Variants in AGPAT3 observed in about 807,000 individuals in gnomAD.
The protein encoded by AGPAT3 is 1-acyl-sn-glycerol-3-phosphate acyltransferase gamma.
A neutral mutation model predicts 47.3 loss-of-function variants in AGPAT3; 5 were observed. That is an observed-to-expected ratio of 0.11 (90% CI 0.06 to 0.22). The LOEUF (loss-of-function observed/expected upper bound fraction) is 0.22. Ranked by LOEUF, AGPAT3 falls within the 10% of genes least tolerant of loss-of-function variation. The pLI is 1.00. For synonymous variants in AGPAT3, 212 were observed against 208.3 expected (o/e 1.02, Z -0.15); for missense variants, 315 against 493.0 (o/e 0.64, Z 3.42).
chr21:43,942,448 C>G (rs749727333), intron 2 of AGPAT3, among the ~76,000 whole-genome samples: 1 of 152,188 alleles, frequency 6.6e-6, no homozygotes, highest in Admixed American at 6.5e-5. Flanking sequence ...ATTCGCCACA[C>G]GTGCCCAGGT....
intron 2 of AGPAT3, among the ~76,000 whole-genome samples, chr21:43,916,940 G>A (rs1027965362): frequency 2.0e-5 from 3 of 152,140 alleles, no homozygotes; most frequent in African/African-American, 4.8e-5. Flanking sequence ...CCTCGTGCTC[G>A]TGTCTGTATC....
intron 2 of AGPAT3, among the ~76,000 whole-genome samples, chr21:43,928,187 G>A (rs910163703): frequency 6.6e-5 from 10 of 152,336 alleles, no homozygotes; most frequent in East Asian, 3.9e-4. Flanking sequence ...AAGAAGCGAC[G>A]GTTTCAGGCA....
Position 43,981,401 on chromosome 21 carries a change from G to A in AGPAT3, c.1042+214G>A, listed in dbSNP as rs779136602. ...CGCCTCCCCAGAGAGCCGAACGGCC[G>A]CCACCTGGCGCCATCCCCACTGCAG... On this transcript the variant is annotated intron_variant, in intron 9 of 9. Transcript: ENST00000291572. This position sits in a 1 kb window ranked among gnomAD's most constrained non-coding sequence, Gnocchi z 5.3. The A allele has an allele frequency of 1.0e-5, 6 of 597,278 alleles. No homozygotes were observed. The highest frequency in any genetic ancestry group is 3.7e-5 in the African/African-American group (2 of 53,774). 37.0% of individuals were successfully genotyped at this position (597,278 alleles called of 1,614,324 possible).
intron 1 of AGPAT3, among the ~76,000 whole-genome samples, chr21:43,865,835 A>T (rs1005107356): frequency 6.7e-6 from 1 of 149,488 alleles, no homozygotes; most frequent in African/African-American, 2.5e-5. Flanking sequence ...CGGACCCGGG[A>T]CCCCCCCCAG....
chr21:43,950,269 G>A (rs1311190087), intron 2 of AGPAT3, among the ~76,000 whole-genome samples: 1 of 152,178 alleles, frequency 6.6e-6, no homozygotes, highest in Non-Finnish European at 1.5e-5. Flanking sequence ...ATTCTCCTGG[G>A]TATTGAGGCT....
At chr21:43,896,895 G>C (rs1197821182) in intron 1 of AGPAT3, among the ~76,000 whole-genome samples, 1 of 147,188 alleles carries the variant, frequency 6.8e-6, no homozygotes, top group Non-Finnish European at 1.5e-5. Context: ...ATCTCTTGTA[G>C]ACAGTGTATG....
chr21:43,954,940 A>T lies in AGPAT3; in HGVS notation c.-48-4694A>T. ...TCTAGCCCAGAGGTTCAGGTGATGG[A>T]CCAGAGACTGGCCGCTTTGTGACAC... is the stretch of plus-strand genomic sequence containing the variant. On this transcript the variant is annotated intron_variant, in intron 2 of 9. Transcript: ENST00000291572. This position sits in a 1 kb window ranked among gnomAD's most constrained non-coding sequence, Gnocchi z 4.0. The T allele has an allele frequency of 1.0e-6, 1 of 954,546 alleles. No individual in the cohort carries two copies. The highest frequency in any genetic ancestry group is 1.3e-6 in the Non-Finnish European group (1 of 751,778). The allele number at this position is 954,546 out of a possible 1,614,324, so 59.1% of individuals were successfully genotyped here.
At chr21:43,916,951 T>C (rs2086744907) in intron 2 of AGPAT3, among the ~76,000 whole-genome samples, 1 of 152,172 alleles carries the variant, frequency 6.6e-6, no homozygotes, top group Admixed American at 6.5e-5. Context: ...TGTCTGTATC[T>C]AAGATCCTCA....
chr21:43,917,989 GT>G, intron 2 of AGPAT3, among the ~76,000 whole-genome samples: 2 of 132,504 alleles, frequency 1.5e-5, no homozygotes, highest in African/African-American at 5.8e-5. Flanking sequence ...TGTGTTATGG[GT>G]GTTGTGGGGG....
chr21:43,917,052 G>A (rs1240124559), intron 2 of AGPAT3, among the ~76,000 whole-genome samples: 3 of 152,162 alleles, frequency 2.0e-5, no homozygotes, highest in Non-Finnish European at 4.4e-5. Context: ...CCAGAGCCAA[G>A]CTGTTTCCTC....
intron 1 of AGPAT3, among the ~76,000 whole-genome samples, chr21:43,884,880 C>A (rs1041001193): frequency 1.3e-5 from 2 of 152,202 alleles, no homozygotes; most frequent in Non-Finnish European, 2.9e-5. Context: ...ACACGTTGGG[C>A]TGCTGCTTGT....
intron 1 of AGPAT3, among the ~76,000 whole-genome samples, chr21:43,893,915 C>T (rs772266719): frequency 2.6e-4 from 40 of 152,276 alleles, no homozygotes; most frequent in Non-Finnish European, 5.3e-4. Flanking sequence ...TGAACGATTG[C>T]GAAAATTACC....
At chr21:43,973,498 G>T (rs931716017) in intron 7 of AGPAT3, among the ~76,000 whole-genome samples, 1 of 152,196 alleles carries the variant, frequency 6.6e-6, no homozygotes, top group Non-Finnish European at 1.5e-5. Flanking sequence ...GTCAGCACTG[G>T]CCATGGAGGA....
chr21:43,905,312 C>T (rs980719821), intron 2 of AGPAT3, among the ~76,000 whole-genome samples: 3 of 151,902 alleles, frequency 2.0e-5, no homozygotes, highest in Non-Finnish European at 4.4e-5. Flanking sequence ...GCCTCAGCCC[C>T]CTGAGTAGCT....
rs1474072518 is a variant in AGPAT3 at position 43,954,366 on chromosome 21, C to A, written c.-48-5268C>A. Among the ~76,000 whole-genome samples the A allele has an allele frequency of 1.3e-5, 2 of 152,036 alleles. No homozygotes were observed. The highest frequency in any genetic ancestry group is 2.9e-5 in the Non-Finnish European group (2 of 68,004). On this transcript the variant is annotated intron_variant, in intron 2 of 9. Coordinates refer to ENST00000291572, the MANE Select transcript of AGPAT3 (RefSeq NM_020132.5). This position sits in a 1 kb window ranked among gnomAD's most constrained non-coding sequence, Gnocchi z 4.0. ...GAGGTCTGTGAGTGAAACTACACTG[C>A]TGGCTGGACAGAGACATGGCAATGA... is the stretch of plus-strand genomic sequence containing the variant.
At position 43,986,256 on chromosome 21, in the gene AGPAT3, C is replaced by A. The variant is rs966456700; in HGVS notation, c.*3864C>A. 2.0e-5 allele frequency: 3 copies of A among 152,222 alleles called. No homozygotes were observed. Among genetic ancestry groups the A allele is most frequent in the Non-Finnish European group, 4.4e-5 (3 of 68,034 alleles). The allele number at this position is 152,222 out of a possible 1,614,324, so 9.4% of individuals were successfully genotyped here. A position where few individuals can be genotyped will look rare whatever the true frequency, so the allele number is the denominator to read the frequency against. On this transcript the variant is annotated 3_prime_UTR_variant, in exon 10 of 10. Transcript: ENST00000291572. ...TTCAGGGATAATGGTGGCATTCTTA[C>A]AAACTGCTCGGGAAATAGAATGACG... is the stretch of plus-strand genomic sequence containing the variant.
chr21:43,890,884 C>T (rs1040175749), intron 1 of AGPAT3, among the ~76,000 whole-genome samples: 2 of 151,996 alleles, frequency 1.3e-5, no homozygotes. Context: ...ACTACAGGCA[C>T]CCGCCACCAC....
chr21:43,896,943 GTTTTTTTTTTTT>G (rs61657564), intron 1 of AGPAT3, among the ~76,000 whole-genome samples: 7 of 42,322 alleles, frequency 1.7e-4, no homozygotes, highest in Non-Finnish European at 2.2e-4. Context: ...TTGACAGTCC[GTTTTTTTTTTTT>G]TTTTTTTTTT....
At chr21:43,938,977 A>T (rs1601361933) in intron 2 of AGPAT3, among the ~76,000 whole-genome samples, 2 of 152,182 alleles carry the variant, frequency 1.3e-5, no homozygotes, top group African/African-American at 2.4e-5. Flanking sequence ...TCACAGAAGT[A>T]AAGGCTGAGC....
Sources: allele counts gnomAD v4.1 joint callset (sites outside exome capture counted in the v4.1 genomes callset), GRCh38; gene constraint gnomAD v4.1.1; non-coding constraint Gnocchi (gnomAD v3.1); transcripts MANE v1.5; gene names NCBI Gene and HGNC (gene_info 2026-07-23, HGNC 2026-07-21).